GRIP2: variants seen among roughly 807,000 people sequenced by gnomAD.
GRIP2 encodes glutamate receptor-interacting protein 2.
A neutral mutation model predicts 108.3 loss-of-function variants in GRIP2; 58 were observed. The observed-to-expected ratio is 0.54, with a 90% confidence interval of 0.43 to 0.67. The LOEUF (loss-of-function observed/expected upper bound fraction) is 0.67, where lower values mean the gene tolerates loss of function less well. GRIP2 is among the 30% of genes least tolerant of loss of function. The pLI is 0.00. For missense variants in GRIP2, 1,278 were observed against 1,430.6 expected (o/e 0.89, Z 1.72); for synonymous variants, 586 against 598.2 (o/e 0.98, Z 0.30).
In GRIP2 at chr3:14,517,900, G is replaced by A. The variant is rs1404492169; in HGVS notation, c.1031-3C>T. The A allele has an allele frequency of 6.5e-7, 1 of 1,545,754 alleles. No homozygotes were observed. The highest frequency in any genetic ancestry group is 8.7e-7 in the Non-Finnish European group (1 of 1,144,842). The stretch of plus-strand genomic sequence containing the variant: ...CTGCTCACTCCTCTGCACTTTCACT[G>A]TAGCCAGCGGAGAAAGAGGAAAGAG... On this transcript the variant is annotated splice_polypyrimidine_tract_variant and splice_region_variant and intron_variant, in intron 9 of 23. Transcript: ENST00000621039.
In GRIP2 at chr3:14,534,742, CGCTGCAGCCGGG is replaced by C. The variant is rs748814117; in HGVS notation, c.40+5515_40+5526del. 3.2e-4 allele frequency among the ~76,000 whole-genome samples: 48 copies of C among 152,306 alleles called. 3 individuals carry two copies. In the South Asian group the frequency reaches 9.3e-3, roughly 30 times the overall value. ...CCTGTGCACCTGGTACTCAGGCCCA[CGCTGCAGCCGGG>C]GTGGGTGGCCTTCTTTTTTATTTTA... On this transcript the variant is annotated intron_variant, in intron 1 of 23. Transcript: ENST00000621039.
At chr3:14,579,921 G>A in the GRIP2 span, among the ~76,000 whole-genome samples, 313 of 152,302 alleles carry the variant, frequency 2.1e-3, 1 homozygote, top group African/African-American at 7.2e-3. Flanking sequence ...CTGGCCTTTG[G>A]GCTGCACTCG....
upstream of GRIP2, among the ~76,000 whole-genome samples, chr3:14,556,367 C>G (rs1376425499): frequency 2.0e-5 from 3 of 152,198 alleles, no homozygotes; most frequent in East Asian, 3.9e-4. Context: ...AGGCCCTCCC[C>G]CTAGAATGTC....
chr3:14,522,975 G>A lies in GRIP2; in HGVS notation c.566+25C>T. The A allele has an allele frequency of 6.2e-7, 1 of 1,606,780 alleles. No individual in the cohort carries two copies. The highest frequency in any genetic ancestry group is 8.5e-7 in the Non-Finnish European group (1 of 1,173,484). On this transcript the variant is annotated intron_variant, in intron 6 of 23. Coordinates refer to ENST00000621039, the MANE Select transcript of GRIP2 (RefSeq NM_001080423.4). This position sits in a 1 kb window ranked among gnomAD's most constrained non-coding sequence, Gnocchi z 4.3. ...GAGTTGGGGCAGGTCAGTGCAGTGT[G>A]TGGATTTCTTCTGCCTCGGCTCACC... is the stretch of plus-strand genomic sequence containing the variant.
At chr3:14,602,804 C>T in the GRIP2 span, among the ~76,000 whole-genome samples, 2 of 151,748 alleles carry the variant, frequency 1.3e-5, no homozygotes, top group African/African-American at 2.4e-5. This position sits in a 1 kb window ranked among gnomAD's most constrained non-coding sequence, Gnocchi z 4.7. Context: ...CCTGTCTTCG[C>T]CTCCCGCGGG....
chr3:14,506,769 G>T, intron 19 of GRIP2, 32 bp downstream of exon 19: 1 of 1,544,712 alleles, frequency 6.5e-7, no homozygotes, highest in Non-Finnish European at 8.8e-7. Context: ...TAGAGAGAGC[G>T]TGCCACTTGT....
chr3:14,517,603 G>T (rs1346954942), intron 10 of GRIP2, among the ~76,000 whole-genome samples, 169 bp downstream of exon 10: 1 of 148,176 alleles, frequency 6.7e-6, no homozygotes, highest in African/African-American at 2.5e-5. Flanking sequence ...CCAGGCTGAA[G>T]CGATCCTCCC....
At chr3:14,545,188 C>T (rs746586549), upstream of GRIP2, among the ~76,000 whole-genome samples, 6 of 152,224 alleles carry the variant, frequency 3.9e-5, no homozygotes, top group Non-Finnish European at 5.9e-5. Context: ...AGAGACTCCA[C>T]GCACCAGGCC....
chr3:14,502,035 T>C (rs1404577061), intron 21 of GRIP2, among the ~76,000 whole-genome samples: 1 of 152,088 alleles, frequency 6.6e-6, no homozygotes, highest in Non-Finnish European at 1.5e-5. Context: ...TAGAATTAAG[T>C]TTAATTATAT....
At chr3:14,498,846 A>C (rs1693688353) in intron 21 of GRIP2, among the ~76,000 whole-genome samples, 1 of 152,236 alleles carries the variant, frequency 6.6e-6, no homozygotes, top group Non-Finnish European at 1.5e-5. Flanking sequence ...AAATTCAGAG[A>C]CAGGCATGAG....
At chr3:14,576,296 C>T in the GRIP2 span, among the ~76,000 whole-genome samples, 15 of 152,220 alleles carry the variant, frequency 9.9e-5, no homozygotes, top group Admixed American at 8.5e-4. Context: ...ATCCTCAGGA[C>T]GGCACTGAGA....
the GRIP2 span, among the ~76,000 whole-genome samples, chr3:14,600,592 G>A: frequency 6.6e-6 from 1 of 152,088 alleles, no homozygotes; most frequent in Non-Finnish European, 1.5e-5. Flanking sequence ...GAGATGCCAG[G>A]TGGATGGCCC....
At chr3:14,494,501 G>A (rs1037314042) in intron 23 of GRIP2, among the ~76,000 whole-genome samples, 13 of 152,196 alleles carry the variant, frequency 8.5e-5, no homozygotes, top group Admixed American at 3.9e-4. Context: ...GGGTGAAGGC[G>A]GAAAAAATCC....
chr3:14,596,213 C>T, the GRIP2 span, among the ~76,000 whole-genome samples: 1 of 152,196 alleles, frequency 6.6e-6, no homozygotes, highest in Admixed American at 6.5e-5. Context: ...AAGGAGCAAG[C>T]CCTCTGGCAG....
rs191949176 is a variant in GRIP2 at position 14,534,170 on chromosome 3, G to C, written c.40+6099C>G. Among the ~76,000 whole-genome samples, 298 of 152,276 alleles carry C rather than the reference G, an allele frequency of 2.0e-3. 1 individual carries two copies. The highest frequency in any genetic ancestry group is 6.8e-3 in the African/African-American group (284 of 41,550). ...CTCTCTTTCACGAACATCCTCAGAT[G>C]GGGGGGAACTGAGGCAGCATCCAAA... On this transcript the variant is annotated intron_variant, in intron 1 of 23. Coordinates refer to ENST00000621039, the MANE Select transcript of GRIP2 (RefSeq NM_001080423.4).
chr3:14,538,718 T>C (rs1418833380), intron 1 of GRIP2, among the ~76,000 whole-genome samples: 6 of 151,958 alleles, frequency 3.9e-5, no homozygotes, highest in African/African-American at 1.5e-4. Flanking sequence ...AGAGAGAAAA[T>C]GTCAGAGAGG....
chr3:14,513,615 G>C (rs758122642), intron 13 of GRIP2, 50 bp downstream of exon 13: 2 of 1,561,080 alleles, frequency 1.3e-6, no homozygotes, highest in Admixed American at 1.9e-5. Context: ...AAAGAGAGGA[G>C]GGGTGCAGGG....
intron 11 of GRIP2, among the ~76,000 whole-genome samples, chr3:14,516,855 G>A (rs1199956724): frequency 6.6e-6 from 1 of 152,080 alleles, no homozygotes; most frequent in Non-Finnish European, 1.5e-5. Flanking sequence ...CAAAGTAACT[G>A]GCACCTCTCA....
intron 19 of GRIP2, among the ~76,000 whole-genome samples, chr3:14,506,353 G>A (rs1405288365): frequency 6.6e-6 from 1 of 152,240 alleles, no homozygotes; most frequent in African/African-American, 2.4e-5. Context: ...AACATGCATT[G>A]GCCTGGGAGG....
Sources: allele counts gnomAD v4.1 joint callset (sites outside exome capture counted in the v4.1 genomes callset), GRCh38; gene constraint gnomAD v4.1.1; non-coding constraint Gnocchi (gnomAD v3.1); transcripts MANE v1.5; gene names NCBI Gene and HGNC (gene_info 2026-07-23, HGNC 2026-07-21).